Variants in SDCCAG8 observed in about 807,000 individuals in gnomAD.
The protein encoded by SDCCAG8 is SHH signaling and ciliogenesis regulator SDCCAG8.
In SDCCAG8, 74 loss-of-function variants were observed where a neutral mutation model predicts 101.8. The ratio of observed to expected loss-of-function variants is 0.73; its 90% CI spans 0.60 to 0.88. The LOEUF is 0.88. Ranked by LOEUF, SDCCAG8 falls within the 40% of genes least tolerant of loss-of-function variation. The pLI is 0.00. For synonymous variants in SDCCAG8, 281 were observed against 292.9 expected (o/e 0.96, Z 0.41); for missense variants, 787 against 822.6 (o/e 0.96, Z 0.53).
intron 4 of SDCCAG8, among the ~76,000 whole-genome samples, chr1:243,284,033 C>T (rs536559869): frequency 6.0e-4 from 92 of 152,286 alleles, no homozygotes; most frequent in Non-Finnish European, 1.1e-3. Flanking sequence ...TGTGAGCCAC[C>T]GTGCCTGGCC....
chr1:243,487,624 A>G (rs1231092664), intron 16 of SDCCAG8, among the ~76,000 whole-genome samples: 3 of 152,040 alleles, frequency 2.0e-5, no homozygotes, highest in African/African-American at 7.3e-5. Flanking sequence ...GGCGTCCCTT[A>G]GTCCTTACAC....
chr1:243,407,883 A>G (rs773765102), intron 13 of SDCCAG8, among the ~76,000 whole-genome samples: 36 of 152,170 alleles, frequency 2.4e-4, no homozygotes, highest in Non-Finnish European at 5.1e-4. Flanking sequence ...AGATTCCAGA[A>G]TCTCATTCCT....
At chr1:243,413,957 C>T (rs539916996) in intron 13 of SDCCAG8, among the ~76,000 whole-genome samples, 1 of 152,330 alleles carries the variant, frequency 6.6e-6, no homozygotes, top group African/African-American at 2.4e-5. Context: ...AGATAGCAGC[C>T]TTCCTTTCCC....
chr1:243,257,748 C>G (rs995275592), intron 1 of SDCCAG8, among the ~76,000 whole-genome samples: 6 of 152,154 alleles, frequency 3.9e-5, no homozygotes, highest in Non-Finnish European at 8.8e-5. Flanking sequence ...GAACACCTTC[C>G]TCAACCTACT....
At chr1:243,460,367 G>A (rs960170704) in intron 16 of SDCCAG8, among the ~76,000 whole-genome samples, 1 of 152,094 alleles carries the variant, frequency 6.6e-6, no homozygotes, top group Non-Finnish European at 1.5e-5. Flanking sequence ...CTGGTGGCAT[G>A]TTGGTCAGCC....
intron 13 of SDCCAG8, among the ~76,000 whole-genome samples, chr1:243,385,473 A>G (rs2078220863): frequency 6.6e-6 from 1 of 152,210 alleles, no homozygotes; most frequent in South Asian, 2.1e-4. Context: ...GAGGTTCTAG[A>G]AAAGGATTAC....
In SDCCAG8 at chr1:243,458,628, C is replaced by G. The variant is rs117025864; in HGVS notation, c.1986-30386C>G. Reference sequence around the variant, plus strand: ...GTTGAGTAACAGGCTGAAGGTCACACAGCTACTATGTGATAGATGCCAAAC... The same window carrying G: ...GTTGAGTAACAGGCTGAAGGTCACAGAGCTACTATGTGATAGATGCCAAAC... On this transcript the variant is annotated intron_variant, in intron 16 of 17. Coordinates refer to ENST00000366541, the MANE Select transcript of SDCCAG8 (RefSeq NM_006642.5). The surrounding 1 kb of genome is among the most constrained non-coding windows in gnomAD (Gnocchi z 4.5). 1.3e-5 allele frequency among the ~76,000 whole-genome samples: 2 copies of G among 152,170 alleles called. No homozygotes were observed. Among genetic ancestry groups the G allele is most frequent in the African/African-American group, 2.4e-5 (1 of 41,448 alleles).
chr1:243,497,742 C>T (rs1668397038), intron 17 of SDCCAG8, among the ~76,000 whole-genome samples: 1 of 152,158 alleles, frequency 6.6e-6, no homozygotes, highest in Non-Finnish European at 1.5e-5. Flanking sequence ...TGTTCTCTAC[C>T]CAAAATTCAT....
intron 16 of SDCCAG8, among the ~76,000 whole-genome samples, chr1:243,482,354 T>C (rs1172654875): frequency 6.6e-6 from 1 of 152,204 alleles, no homozygotes; most frequent in Non-Finnish European, 1.5e-5. Context: ...CCAGCACTCT[T>C]ATGAGTCCCC....
chr1:243,406,735 G>C (rs1042750119), intron 13 of SDCCAG8, among the ~76,000 whole-genome samples: 8 of 151,984 alleles, frequency 5.3e-5, no homozygotes, highest in African/African-American at 1.9e-4. Flanking sequence ...TCCACCAACT[G>C]TGCGCTGCTG....
intron 16 of SDCCAG8, among the ~76,000 whole-genome samples, chr1:243,462,712 G>A (rs748798315): frequency 2.6e-5 from 4 of 152,112 alleles, no homozygotes; most frequent in Non-Finnish European, 5.9e-5. Context: ...GCACCTATGT[G>A]TGCACTGCAT....
chr1:243,434,919 G>T (rs1213767092), intron 16 of SDCCAG8, among the ~76,000 whole-genome samples: 1 of 152,232 alleles, frequency 6.6e-6, no homozygotes, highest in Non-Finnish European at 1.5e-5. Context: ...AGAACATTAA[G>T]TGGGAAAAGG....
intron 6 of SDCCAG8, among the ~76,000 whole-genome samples, chr1:243,294,697 C>CCA (rs1558248613): frequency 9.6e-5 from 1 of 10,370 alleles, no homozygotes; most frequent in Non-Finnish European, 3.5e-4. Context: ...TTTCTAAATT[C>CCA]CCCCCCCCCC....
intron 6 of SDCCAG8, among the ~76,000 whole-genome samples, chr1:243,294,127 G>C (rs922522923): frequency 3.9e-5 from 6 of 152,042 alleles, no homozygotes; most frequent in African/African-American, 1.2e-4. Context: ...TTTCTCGAGC[G>C]TAGTTTCTGT....
At chr1:243,358,203 A>G (rs2076497312) in intron 12 of SDCCAG8, among the ~76,000 whole-genome samples, 2 of 152,170 alleles carry the variant, frequency 1.3e-5, no homozygotes, top group African/African-American at 2.4e-5. Flanking sequence ...CTGATAAGAG[A>G]CTTGTATCTA....
chr1:243,338,172 C>T (rs1489721543), intron 10 of SDCCAG8, among the ~76,000 whole-genome samples: 1 of 152,112 alleles, frequency 6.6e-6, no homozygotes, highest in Non-Finnish European at 1.5e-5. Flanking sequence ...GCCTCAGCCT[C>T]CAAAAGCAGT....
chr1:243,489,209 C>G, intron 17 of SDCCAG8, 69 bp downstream of exon 17: 1 of 1,570,126 alleles, frequency 6.4e-7, no homozygotes, highest in Non-Finnish European at 8.7e-7. Context: ...TTTTATGCAC[C>G]TCAACAGGCC....
chr1:243,313,036 A>C (rs889249358), intron 8 of SDCCAG8, among the ~76,000 whole-genome samples: 1 of 152,200 alleles, frequency 6.6e-6, no homozygotes, highest in Admixed American at 6.5e-5. Flanking sequence ...TCTGTAGCTC[A>C]CAGTACCTTG....
At chr1:243,349,926 A>G (rs934241086) in intron 12 of SDCCAG8, among the ~76,000 whole-genome samples, 1 of 151,940 alleles carries the variant, frequency 6.6e-6, no homozygotes, top group African/African-American at 2.4e-5. Flanking sequence ...ACTTTAATGG[A>G]GCAATCAAAG....
Sources: gnomAD v4.1 joint callset for allele counts (sites outside exome capture counted in the v4.1 genomes callset) on GRCh38, gnomAD v4.1.1 for gene constraint, Gnocchi (gnomAD v3.1) non-coding constraint, MANE v1.5 for transcripts, NCBI Gene and HGNC (gene_info 2026-07-23, HGNC 2026-07-21) for gene names.